SMYD3: variants seen among roughly 807,000 people sequenced by gnomAD.
SMYD3 encodes the protein SET and MYND domain containing 3.
In SMYD3, 36 loss-of-function variants were observed where a neutral mutation model predicts 57.7. The ratio of observed to expected loss-of-function variants is 0.62; its 90% CI spans 0.48 to 0.82. The LOEUF (loss-of-function observed/expected upper bound fraction) is 0.82. Ranked by LOEUF, SMYD3 falls within the 40% of genes least tolerant of loss-of-function variation. The pLI is 0.00. For synonymous variants in SMYD3, 211 were observed against 195.0 expected (o/e 1.08, Z -0.68); for missense variants, 515 against 538.8 (o/e 0.96, Z 0.44).
In SMYD3 at chr1:245,960,129, A is replaced by G. The variant is rs149848855; in HGVS notation, c.532-30192T>C. 2.4e-3 allele frequency among the ~76,000 whole-genome samples: 367 copies of G among 152,302 alleles called. 1 individual carries two copies. The highest frequency in any genetic ancestry group is 3.9e-3 in the Non-Finnish European group (263 of 68,026). On this transcript the variant is annotated intron_variant, in intron 5 of 11. Coordinates refer to ENST00000490107, the MANE Select transcript of SMYD3 (RefSeq NM_001167740.2). ...TAATAAAACAAAATTATGCAGGTAA[A>G]CTCTGAGTCCAAAGGGAAATTGGCA...
At position 245,919,732 on chromosome 1, in the gene SMYD3, G is replaced by C. The variant is rs150553843; in HGVS notation, c.703-4092C>G. Reference sequence around the variant, plus strand: ...GTAATGGAATATCTGCTCAGTAAATGTAAGGCTCATTTAGTGGGAATGTAT... The same window carrying C: ...GTAATGGAATATCTGCTCAGTAAATCTAAGGCTCATTTAGTGGGAATGTAT... On this transcript the variant is annotated intron_variant, in intron 7 of 11. Transcript: ENST00000490107. Among the ~76,000 whole-genome samples, 566 of 152,274 alleles carry C rather than the reference G, an allele frequency of 3.7e-3. 2 individuals are homozygous for C. Among genetic ancestry groups the C allele is most frequent in the Middle Eastern group, 0.024 (7 of 294 alleles).
At chr1:246,254,628 T>C (rs981835759) in intron 5 of SMYD3, among the ~76,000 whole-genome samples, 1 of 152,192 alleles carries the variant, frequency 6.6e-6, no homozygotes, top group East Asian at 1.9e-4. Flanking sequence ...GACTCTTTTT[T>C]GGTTCTATGT....
chr1:245,965,440 CA>C (rs1316210850), intron 5 of SMYD3, among the ~76,000 whole-genome samples: 1 of 152,134 alleles, frequency 6.6e-6, no homozygotes, highest in Non-Finnish European at 1.5e-5. Flanking sequence ...AAAACAGTAT[CA>C]TATAAAATCC....
chr1:245,935,530 G>A (rs2056947043), intron 5 of SMYD3, among the ~76,000 whole-genome samples: 1 of 152,100 alleles, frequency 6.6e-6, no homozygotes, highest in Non-Finnish European at 1.5e-5. Context: ...ATATAATCAA[G>A]CAATCCCATT....
At chr1:246,448,730 G>GAAAAAAAAAAAAAAAAA (rs2067588249) in intron 1 of SMYD3, among the ~76,000 whole-genome samples, 1 of 90,414 alleles carries the variant, frequency 1.1e-5, no homozygotes, top group Non-Finnish European at 2.4e-5. Context: ...AAAAAAAAAG[G>GAAAAAAAAAAAAAAAAA]ACAAAATGGC....
intron 5 of SMYD3, among the ~76,000 whole-genome samples, chr1:246,320,675 A>G (rs2065231453): frequency 6.6e-6 from 1 of 152,210 alleles, no homozygotes; most frequent in African/African-American, 2.4e-5. Flanking sequence ...TAGAAAAGAA[A>G]GTTATAAGCC....
chr1:246,260,481 T>C (rs2063985051), intron 5 of SMYD3, among the ~76,000 whole-genome samples: 1 of 152,134 alleles, frequency 6.6e-6, no homozygotes, highest in Admixed American at 6.5e-5. Flanking sequence ...AGACAGAGTC[T>C]TGTTCTATCA....
chr1:245,903,631 C>A (rs1034192372), intron 8 of SMYD3, among the ~76,000 whole-genome samples: 1 of 152,212 alleles, frequency 6.6e-6, no homozygotes, highest in Admixed American at 6.5e-5. Flanking sequence ...TCCCTGACCC[C>A]CAGCAGTGGT....
intron 5 of SMYD3, among the ~76,000 whole-genome samples, chr1:246,197,828 G>T (rs2062849369): frequency 6.6e-6 from 1 of 151,990 alleles, no homozygotes; most frequent in African/African-American, 2.4e-5. Flanking sequence ...GGAACACTCT[G>T]TACTATTCAC....
intron 5 of SMYD3, among the ~76,000 whole-genome samples, chr1:245,954,404 G>A (rs1483433635): frequency 6.6e-6 from 1 of 152,184 alleles, no homozygotes; most frequent in South Asian, 2.1e-4. Context: ...AGGTGTGGTG[G>A]CTCACACACC....
chr1:246,351,614 T>C (rs2148699892), intron 2 of SMYD3, among the ~76,000 whole-genome samples: 1 of 152,314 alleles, frequency 6.6e-6, no homozygotes, highest in African/African-American at 2.4e-5. Flanking sequence ...GAAACAGTAC[T>C]GTACACAGGA....
intron 5 of SMYD3, chr1:246,326,038 C>T (rs2065343850): frequency 5.0e-6 from 1 of 200,894 alleles, no homozygotes; most frequent in South Asian, 1.7e-4. Flanking sequence ...TGACATTAAT[C>T]AGAAAATCAT....
intron 10 of SMYD3, chr1:245,814,362 A>G (rs1312265833): frequency 1.9e-5 from 19 of 985,006 alleles, no homozygotes; most frequent in Non-Finnish European, 2.2e-5. Flanking sequence ...ACCAGGAATC[A>G]GGACAGATAG....
intron 1 of SMYD3, among the ~76,000 whole-genome samples, chr1:246,459,386 G>C (rs2067759542): frequency 6.6e-6 from 1 of 151,590 alleles, no homozygotes; most frequent in Non-Finnish European, 1.5e-5. Flanking sequence ...CTCCTGCTCT[G>C]CTGTTCTCCT....
At position 246,498,624 on chromosome 1, in the gene SMYD3, G is replaced by A. The variant is rs1424420090; in HGVS notation, c.164+8430C>T. Among the ~76,000 whole-genome samples, 7 of 151,568 alleles carry A rather than the reference G, an allele frequency of 4.6e-5. No homozygotes were observed. The East Asian group carries it at 5.8e-4, about 13-fold the overall frequency. Reference sequence around the variant, plus strand: ...CGGGTGCCTGTAGTCCCAGCTACTCGGGAGGCTGAGGCAGGAGAATAGTGT... The same window carrying A: ...CGGGTGCCTGTAGTCCCAGCTACTCAGGAGGCTGAGGCAGGAGAATAGTGT... On this transcript the variant is annotated intron_variant, in intron 1 of 11. Coordinates refer to ENST00000490107, the MANE Select transcript of SMYD3 (RefSeq NM_001167740.2).
chr1:246,144,126 C>T (rs12566426), intron 5 of SMYD3, among the ~76,000 whole-genome samples: 10,330 of 152,162 alleles, frequency 0.068, 757 homozygotes, highest in East Asian at 0.17. Context: ...GCCTCCCTGT[C>T]GAGCTGACAA....
chr1:245,900,191 T>C (rs960961985), intron 8 of SMYD3, among the ~76,000 whole-genome samples: 1 of 152,206 alleles, frequency 6.6e-6, no homozygotes, highest in East Asian at 1.9e-4. Context: ...GTAGACATTA[T>C]GCACTAGCTA....
At chr1:246,222,422 C>A (rs1381429839) in intron 5 of SMYD3, among the ~76,000 whole-genome samples, 3 of 151,952 alleles carry the variant, frequency 2.0e-5, no homozygotes, top group African/African-American at 7.3e-5. Context: ...CCGATCTGTG[C>A]CTCATTAGCT....
chr1:245,958,000 A>C (rs1186111716), intron 5 of SMYD3, among the ~76,000 whole-genome samples: 1 of 151,318 alleles, frequency 6.6e-6, no homozygotes, highest in Non-Finnish European at 1.5e-5. Context: ...GCTGAATGTA[A>C]TTATTCAGAG....
Sources: allele counts gnomAD v4.1 joint callset (sites outside exome capture counted in the v4.1 genomes callset), GRCh38; gene constraint gnomAD v4.1.1; transcripts MANE v1.5; gene names NCBI Gene and HGNC (gene_info 2026-07-23, HGNC 2026-07-21).